The following ZPLD1 variants were observed in gnomAD, a reference collection of about 807,000 sequenced individuals.
The protein encoded by ZPLD1 is zona pellucida like domain containing 1, also known as zona pellucida-like domain-containing protein 1.
In ZPLD1, 34 loss-of-function variants were observed where a neutral mutation model predicts 47.2. The observed-to-expected ratio is 0.72, with a 90% CI of 0.55 to 0.96. ZPLD1 has a LOEUF of 0.96. Ranked by LOEUF, ZPLD1 falls within the 40% of genes least tolerant of loss-of-function variation. The pLI, the probability that ZPLD1 is intolerant of heterozygous loss-of-function variation, is 0.00. For missense variants in ZPLD1, 512 were observed against 505.8 expected, an observed-to-expected ratio of 1.01 and a Z score of -0.12; for synonymous variants, 176 against 186.2, an observed-to-expected ratio of 0.95 and a Z score of 0.45.
chr3:102,419,833 A>G (rs1706854901), intron 8 of ZPLD1, among the ~76,000 whole-genome samples: 1 of 151,782 alleles, frequency 6.6e-6, no homozygotes. Flanking sequence ...TGTCTCATTT[A>G]AGTACCTATT....
chr3:102,479,665 T>G lies in ZPLD1; in HGVS notation c.*2047T>G, dbSNP rs1372520505. 6.6e-6 allele frequency: 1 copy of G among 152,162 alleles called. No homozygotes were observed. The highest frequency in any genetic ancestry group is 1.5e-5 in the Non-Finnish European group (1 of 68,016). 9.4% of individuals were successfully genotyped at this position (152,162 alleles called of 1,614,324 possible). On this transcript the variant is annotated 3_prime_UTR_variant, in exon 12 of 12. Transcript: ENST00000466937. ...CAACTTTGTTCTTATAAATCTGCAG[T>G]TATATGGAGTATTTAGTTATACTGA...
rs767071660 is a variant in ZPLD1 at position 102,459,089 on chromosome 3, C to CAAAAAAAAA, written c.582+1258_582+1266dup. 4.6e-4 allele frequency among the ~76,000 whole-genome samples: 12 copies of CAAAAAAAAA among 25,850 alleles called. 1 individual carries two copies. Among genetic ancestry groups the CAAAAAAAAA allele is most frequent in the Admixed American group, 1.4e-3 (2 of 1,460 alleles). The allele number at this position is 25,850 out of a possible 152,430, so 17.0% of individuals were successfully genotyped here. ...TGGGAGACAGAGCGAGACTCCGTCT[C>CAAAAAAAAA]AAAAAAAAAAAAAAAAAAAAAAAAA... On this transcript the variant is annotated intron_variant, in intron 6 of 11. Coordinates refer to ENST00000466937, the MANE Select transcript of ZPLD1 (RefSeq NM_001329788.2).
At chr3:102,407,678 A>G (rs2107296605) in intron 7 of ZPLD1, among the ~76,000 whole-genome samples, 1 of 151,482 alleles carries the variant, frequency 6.6e-6, no homozygotes, top group East Asian at 2.0e-4. Flanking sequence ...CTCTGTACTC[A>G]TGGACTGCCA....
chr3:102,393,945 G>A (rs1576123336), intron 7 of ZPLD1, among the ~76,000 whole-genome samples: 1 of 152,152 alleles, frequency 6.6e-6, no homozygotes, highest in South Asian at 2.1e-4. Flanking sequence ...AAATTGCTGT[G>A]GAGCTTTAAT....
intron 10 of ZPLD1, among the ~76,000 whole-genome samples, chr3:102,474,477 A>C (rs1351046147): frequency 6.6e-6 from 1 of 152,170 alleles, no homozygotes; most frequent in Non-Finnish European, 1.5e-5. Flanking sequence ...GTCCTCAGGG[A>C]TCTTAGAGTT....
chr3:102,445,765 A>G (rs920383721), intron 3 of ZPLD1, among the ~76,000 whole-genome samples: 1 of 152,248 alleles, frequency 6.6e-6, no homozygotes, highest in Non-Finnish European at 1.5e-5. Flanking sequence ...GCCATCATGC[A>G]CTTGCTTGCT....
chr3:102,400,733 G>A (rs1706610574), intron 7 of ZPLD1, among the ~76,000 whole-genome samples: 1 of 151,912 alleles, frequency 6.6e-6, no homozygotes, highest in South Asian at 2.1e-4. Flanking sequence ...TAGAGATATT[G>A]TCCCACACTT....
At chr3:102,459,646 C>G (rs1201838761) in intron 6 of ZPLD1, among the ~76,000 whole-genome samples, 11 of 152,236 alleles carry the variant, frequency 7.2e-5, no homozygotes, top group Non-Finnish European at 1.0e-4. Context: ...TGATATTAGA[C>G]TACAAGTGAA....
intron 3 of ZPLD1, among the ~76,000 whole-genome samples, chr3:102,443,445 T>C (rs1707211313): frequency 6.6e-6 from 1 of 152,158 alleles, no homozygotes; most frequent in African/African-American, 2.4e-5. Flanking sequence ...TTAATAGAGA[T>C]TCTTTCCATC....
chr3:102,390,530 G>A (rs1305216464), intron 6 of ZPLD1, among the ~76,000 whole-genome samples: 1 of 152,146 alleles, frequency 6.6e-6, no homozygotes, highest in Non-Finnish European at 1.5e-5. Context: ...TGTTTTGAAG[G>A]TATTGCCTCA....
intron 10 of ZPLD1, among the ~76,000 whole-genome samples, chr3:102,474,512 G>A (rs1402856888): frequency 6.6e-6 from 1 of 152,070 alleles, no homozygotes. Flanking sequence ...GACTATGAAC[G>A]AACGTAACAC....
At chr3:102,394,635 G>A (rs188064979) in intron 7 of ZPLD1, among the ~76,000 whole-genome samples, 34 of 152,216 alleles carry the variant, frequency 2.2e-4, no homozygotes, top group Admixed American at 2.1e-3. Flanking sequence ...TTTAAAATGG[G>A]GCTGGTAAAA....
chr3:102,428,829 A>G (rs1706982642), intron 8 of ZPLD1, among the ~76,000 whole-genome samples: 1 of 151,772 alleles, frequency 6.6e-6, no homozygotes, highest in Admixed American at 6.6e-5. Context: ...CTTGTTACAC[A>G]TTTTAAGTCA....
chr3:102,387,127 C>T (rs112144126), intron 6 of ZPLD1, among the ~76,000 whole-genome samples: 1 of 152,094 alleles, frequency 6.6e-6, no homozygotes, highest in African/African-American at 2.4e-5. Flanking sequence ...TCATTCTTTC[C>T]TGTAAATTAA....
intron 7 of ZPLD1, among the ~76,000 whole-genome samples, chr3:102,406,854 T>C (rs1706693163): frequency 6.6e-6 from 1 of 151,948 alleles, no homozygotes; most frequent in Non-Finnish European, 1.5e-5. Context: ...CAATTATTTA[T>C]GGTGTCAACA....
intron 7 of ZPLD1, among the ~76,000 whole-genome samples, chr3:102,404,199 C>T (rs1032074130): frequency 3.3e-5 from 5 of 151,766 alleles, no homozygotes; most frequent in East Asian, 1.9e-4. Context: ...ATTTCAGAGC[C>T]GAGAATTTAT....
At chr3:102,434,941 A>G (rs1214590628), upstream of ZPLD1, 1 of 629,042 alleles carries the variant, frequency 1.6e-6, no homozygotes, top group African/African-American at 1.8e-5. Context: ...GAGCTAAAAT[A>G]CACATGTCTG....
Position 102,426,769 on chromosome 3 carries a change from T to C in ZPLD1, c.-9+8562T>C, listed in dbSNP as rs1559747725. Among the ~76,000 whole-genome samples the C allele has an allele frequency of 2.0e-5, 3 of 152,354 alleles. No individual in the cohort carries two copies. In the East Asian group the frequency reaches 5.8e-4, roughly 29 times the overall value. On this transcript the variant is annotated intron_variant, in intron 8 of 17. Transcript: ENST00000491959. ...GAGTATATATGCTACTTGATCCAAC[T>C]GGCTAAAACTTTTGTGGATGTGATT...
upstream of ZPLD1, among the ~76,000 whole-genome samples, chr3:102,433,775 C>T (rs1707047274): frequency 6.6e-6 from 1 of 152,118 alleles, no homozygotes; most frequent in Admixed American, 6.5e-5. Flanking sequence ...GTGATACACC[C>T]GCCTCGGCCT....
Sources: allele counts gnomAD v4.1 joint callset (sites outside exome capture counted in the v4.1 genomes callset), GRCh38; gene constraint gnomAD v4.1.1; transcripts MANE v1.5; gene names NCBI Gene and HGNC (gene_info 2026-07-23, HGNC 2026-07-21).